The following OBSL1 variants were observed in gnomAD, a reference collection of about 807,000 sequenced individuals.
The protein encoded by OBSL1 is obscurin like cytoskeletal adaptor 1.
In OBSL1, 160 loss-of-function variants were observed where a neutral mutation model predicts 172.0. That is an observed-to-expected ratio of 0.93 (90% confidence interval 0.82 to 1.06). The LOEUF (loss-of-function observed/expected upper bound fraction) is 1.06, where lower values mean the gene tolerates loss of function less well. OBSL1 is among the 50% of genes least tolerant of loss of function. The pLI, the probability that OBSL1 is intolerant of heterozygous loss-of-function variation, is 0.00. For missense variants in OBSL1, 2,681 were observed against 2,715.4 expected, an observed-to-expected ratio of 0.99 and a Z score of 0.28; for synonymous variants, 1,200 against 1,196.3, an observed-to-expected ratio of 1.00 and a Z score of -0.06.
At position 219,563,351 on chromosome 2, in the gene OBSL1, C is replaced by G. The variant is rs1006878503; in HGVS notation, c.2680+4G>C. 1.3e-6 allele frequency: 2 copies of G among 1,555,470 alleles called. No homozygotes were observed. Among genetic ancestry groups the G allele is most frequent in the African/African-American group, 1.4e-5 (1 of 74,054 alleles). On this transcript the variant is annotated splice_donor_region_variant and intron_variant, in intron 7 of 20. Coordinates refer to ENST00000404537, the MANE Select transcript of OBSL1 (RefSeq NM_015311.3). ...GTGCCTCCGAGGCCCACCTGGCCCC[C>G]CACCTGTGATGGTGACAGTGAAGTA... is the stretch of plus-strand genomic sequence containing the variant.
chr2:219,550,068 TG>T, downstream of OBSL1: 2 of 611,368 alleles, frequency 3.3e-6, no homozygotes, highest in East Asian at 2.8e-5. Context: ...GAACTCGGGG[TG>T]TGAACCCCAT....
At position 219,563,379 on chromosome 2, in the gene OBSL1, C is replaced by T. The variant is rs750124482; in HGVS notation, c.2656G>A (p.Ala886Thr). Reference sequence around the variant, plus strand: ...CCTGTGATGGTGACAGTGAAGTAGGCACACTCATCTCCAGCGACGCACTGA... The same window carrying T: ...CCTGTGATGGTGACAGTGAAGTAGGTACACTCATCTCCAGCGACGCACTGA... ...EFQCVAGDEC[A>T]YFTVTITDVS... The change falls in exon 7 of 21, where the codon GCC (alanine) becomes ACC (threonine). Residue 886 changes from alanine to threonine, a missense_variant. By Grantham distance (58) the Ala-to-Thr change is moderately conservative (BLOSUM62 0). Coordinates refer to ENST00000404537, the MANE Select transcript of OBSL1 (RefSeq NM_015311.3). The T allele has an allele frequency of 2.3e-5, 37 of 1,592,864 alleles. No homozygotes were observed. The highest frequency in any genetic ancestry group is 2.8e-5 in the Non-Finnish European group (33 of 1,167,614).
chr2:219,550,764 C>G lies in OBSL1; in HGVS notation c.*71G>C. The stretch of plus-strand genomic sequence containing the variant: ...ACTTTTATTGTTCCTTGTCTCTCTA[C>G]CCCTGCCCAGGGTAAGGGCAAACGC... On this transcript the variant is annotated 3_prime_UTR_variant, in exon 21 of 21. Coordinates refer to ENST00000404537, the MANE Select transcript of OBSL1 (RefSeq NM_015311.3). 6.4e-7 allele frequency: 1 copy of G among 1,573,116 alleles called. No homozygotes were observed. The highest frequency in any genetic ancestry group is 8.7e-7 in the Non-Finnish European group (1 of 1,155,290).
At chr2:219,548,216 GGGA>G, downstream of OBSL1, 1 of 825,428 alleles carries the variant, frequency 1.2e-6, no homozygotes, top group Non-Finnish European at 1.8e-6. Flanking sequence ...CTCAGGGTCT[GGGA>G]GGATAGCACC....
Position 219,556,026 on chromosome 2 carries a change from C to T in OBSL1, c.4603G>A (p.Val1535Met), listed in dbSNP as rs772867533. The T allele has an allele frequency of 3.6e-5, 58 of 1,613,330 alleles. No individual in the cohort carries two copies. The highest frequency in any genetic ancestry group is 5.0e-5 in the Admixed American group (3 of 60,008). ...GAGAGGACGGGGCACTCACGCCTCA[C>T]GCTGAGCCTGGCCAGGGTGCGATCG... is the stretch of plus-strand genomic sequence containing the variant. The part of the protein sequence containing the change: ...HHDRTLARLS[V>M]RPRQLRVLRP... Residue 1535 changes from valine to methionine, a missense_variant, in exon 14 of 21, where the codon GTG (valine) becomes ATG (methionine). Around this residue, in one of 5 missense-constraint regions of OBSL1, gnomAD observed 1,765 missense variants for 1,748.3 expected, o/e 1.01. Transcript: ENST00000404537.
Position 219,557,922 on chromosome 2 carries a change from A to G in OBSL1, c.3691T>C (p.Cys1231Arg). The G allele has an allele frequency of 6.2e-7, 1 of 1,605,994 alleles. No homozygotes were observed. The highest frequency in any genetic ancestry group is 1.1e-5 in the South Asian group (1 of 91,060). Residue 1231 changes from cysteine to arginine, a missense_variant, in exon 11 of 21, where the codon TGC becomes CGC. Coordinates refer to ENST00000404537, the MANE Select transcript of OBSL1 (RefSeq NM_015311.3). ...LHAEGPRRVL[C>R]IQAAGPAHAG... The stretch of plus-strand genomic sequence containing the variant: ...TGGGCTGGGCCTGCAGCCTGGATGC[A>G]GAGGACTCGGCGGGGGCCCTCGGCA...
At position 219,565,300 on chromosome 2, in the gene OBSL1, A is replaced by G. The variant is rs778526652; in HGVS notation, c.2349T>C (p.Ser783=). 1.9e-6 allele frequency: 3 copies of G among 1,613,862 alleles called. No individual in the cohort carries two copies. The highest frequency in any genetic ancestry group is 1.7e-5 in the Admixed American group (1 of 60,006). ...LILPEAKVQD[S]GEFECRTEGV... Reference sequence around the variant, plus strand: ...CTTCTGTCCTGCACTCAAACTCGCCACTGTCCTGGACTTTGGCCTCAGGCA... The same window carrying G: ...CTTCTGTCCTGCACTCAAACTCGCCGCTGTCCTGGACTTTGGCCTCAGGCA... Residue 783 remains serine (S), a synonymous_variant, in exon 6 of 21, where the codon AGT becomes AGC. Transcript: ENST00000404537.
At position 219,553,591 on chromosome 2, in the gene OBSL1, C is replaced by G. The variant is rs1695789377; in HGVS notation, c.4972G>C (p.Asp1658His). ...GATCTGACCTTCTCCCAGGTAACAT[C>G]AGCCAAAGCTTGGGAAAGCTCGCAC... ...FECELSQALA[D>H]VTWEKDGNAL... Residue 1658 changes from aspartate (D) to histidine (H), a missense_variant, in exon 16 of 21, where the codon GAT (aspartate) becomes CAT (histidine). By Grantham distance (81) the Asp-to-His change is moderately conservative (BLOSUM62 -1). Transcript: ENST00000404537. The G allele has an allele frequency of 6.2e-7, 1 of 1,613,744 alleles. No homozygotes were observed. Among genetic ancestry groups the G allele is most frequent in the African/African-American group, 1.3e-5 (1 of 75,042 alleles).
rs188683040 is a variant in OBSL1 at position 219,557,247 on chromosome 2, C to G, written c.4066+96G>C. The stretch of plus-strand genomic sequence containing the variant: ...TGCACGCACTGGTTGGAGCCAGAAG[C>G]AGCAAAGCGGGGGTGGAGGAGTAAG... On this transcript the variant is annotated intron_variant, in intron 12 of 20. Transcript: ENST00000404537. The G allele has an allele frequency of 5.2e-3, 6,522 of 1,259,050 alleles. 28 individuals carry two copies. The highest frequency in any genetic ancestry group is 5.9e-3 in the Middle Eastern group (29 of 4,900). 78.0% of individuals were successfully genotyped at this position (1,259,050 alleles called of 1,614,324 possible).
chr2:219,568,106 G>A lies in OBSL1; in HGVS notation c.1231C>T (p.Leu411=), dbSNP rs1391214512. 38 of 1,613,796 alleles carry A rather than the reference G, an allele frequency of 2.4e-5. No homozygotes were observed. The highest frequency in any genetic ancestry group is 3.1e-5 in the Non-Finnish European group (36 of 1,179,876). Reference sequence around the variant, plus strand: ...CGCACCCGGCCCCGCATCTCGCACAGGTAGATACCATCATCGTCTGCCTTC... The same window carrying A: ...CGCACCCGGCCCCGCATCTCGCACAAGTAGATACCATCATCGTCTGCCTTC... ...RLKADDDGIY[L]CEMRGRVRTV... is the part of the protein sequence containing the mutation. The change falls in exon 2 of 21, where the codon CTG becomes TTG. Residue 411 remains leucine (L), a synonymous_variant. Transcript: ENST00000404537. This position sits in a 1 kb window ranked among gnomAD's most constrained non-coding sequence, Gnocchi z 4.1.
chr2:219,547,737 C>T (rs1695420818), downstream of OBSL1: 1 of 1,591,378 alleles, frequency 6.3e-7, no homozygotes, highest in East Asian at 2.2e-5. Context: ...GCAGCTGCTG[C>T]CCTGCTGGGC....
chr2:219,562,716 C>T (rs564232645), intron 7 of OBSL1, 42 bp from the exon 8 acceptor site: 10 of 1,510,568 alleles, frequency 6.6e-6, no homozygotes, highest in Middle Eastern at 1.8e-4. Context: ...GAGGGGTGTG[C>T]CCTGCCGTCC....
downstream of OBSL1, chr2:219,549,712 C>G (rs753533096): frequency 1.9e-6 from 3 of 1,613,474 alleles, no homozygotes; most frequent in South Asian, 1.1e-5. Context: ...TTTGCTCCCC[C>G]ACAGAGCTAT....
At position 219,570,726 on chromosome 2, in the gene OBSL1, G is replaced by A; in HGVS notation, c.507C>T (p.Asp169=). ...CGAAGTGGCTGCTGTCCCACACTTC[G>A]TCCAGGGCCATCCCGTCCTTCTCCC... ...LYWEKDGMAL[D]EVWDSSHFAL... Residue 169 remains aspartate (D), a synonymous_variant, in exon 1 of 21, where the codon GAC becomes GAT. Coordinates refer to ENST00000404537, the MANE Select transcript of OBSL1 (RefSeq NM_015311.3). 2 of 1,510,018 alleles carry A rather than the reference G, an allele frequency of 1.3e-6. No homozygotes were observed. Among genetic ancestry groups the A allele is most frequent in the South Asian group, 2.5e-5 (2 of 81,152 alleles). 93.5% of individuals were successfully genotyped at this position (1,510,018 alleles called of 1,614,324 possible).
intron 5 of OBSL1, 65 bp downstream of exon 5, chr2:219,566,765 G>T: frequency 6.8e-7 from 1 of 1,474,556 alleles, no homozygotes; most frequent in African/African-American, 1.4e-5. Context: ...CATCTGCCTC[G>T]TTTTGCCAAC....
At chr2:219,564,495 A>G (rs1023121493) in intron 6 of OBSL1, among the ~76,000 whole-genome samples, 3 of 152,204 alleles carry the variant, frequency 2.0e-5, no homozygotes, top group Non-Finnish European at 2.9e-5. Context: ...AAGAGTGTAT[A>G]TTGAAAATAC....
chr2:219,557,114 T>C (rs908448313), intron 12 of OBSL1: 8 of 503,618 alleles, frequency 1.6e-5, no homozygotes, highest in Non-Finnish European at 2.4e-5. Context: ...GGCTGGAACC[T>C]GGCTGGGTGG....
In OBSL1 at chr2:219,558,004, G is replaced by T; in HGVS notation, c.3609C>A (p.Pro1203=). The change falls in exon 11 of 21, where the codon CCC becomes CCA. Residue 1203 remains proline, a synonymous_variant. Transcript: ENST00000404537. The part of the protein sequence containing the change: ...LSCELSRAGA[P]VVWSHNGRPV... ...GCCTCCCATTGTGGCTCCAGACCAC[G>T]GGGGCGCCAGCCCGGGACAGTTCAC... 1 of 1,612,346 alleles carries T rather than the reference G, an allele frequency of 6.2e-7. No homozygotes were observed. The highest frequency in any genetic ancestry group is 8.5e-7 in the Non-Finnish European group (1 of 1,179,540).
In OBSL1 at chr2:219,558,320, C is replaced by T. The variant is rs1299704599; in HGVS notation, c.3366G>A (p.Glu1122=). ...CACCCAGCTGCAGGGCATCTGATGCCTCCACTTCCAGCCCGTCCTTGTACC... is the reference window on the plus strand; with the variant it reads ...CACCCAGCTGCAGGGCATCTGATGCTTCCACTTCCAGCCCGTCCTTGTACC... ...VRWYKDGLEV[E]ASDALQLGAE... is the part of the protein sequence containing the mutation. The change falls in exon 10 of 21, where the codon GAG becomes GAA. Residue 1122 remains glutamate, a synonymous_variant. Coordinates refer to ENST00000404537, the MANE Select transcript of OBSL1 (RefSeq NM_015311.3). The T allele has an allele frequency of 2.5e-6, 4 of 1,612,834 alleles. No individual in the cohort carries two copies. In the South Asian group the frequency reaches 3.3e-5, roughly 13 times the overall value.
Sources: gnomAD v4.1 joint callset for allele counts (sites outside exome capture counted in the v4.1 genomes callset) on GRCh38, gnomAD v4.1.1 for gene constraint, gnomAD v4.1.1 regional missense constraint, Gnocchi (gnomAD v3.1) non-coding constraint, MANE v1.5 for transcripts, NCBI Gene and HGNC (gene_info 2026-07-23, HGNC 2026-07-21) for gene names.